Variants in CXCL8 observed in about 807,000 individuals in gnomAD.
CXCL8 encodes C-X-C motif chemokine ligand 8.
CXCL8 carries 12 observed loss-of-function variants against 10.9 expected under a neutral mutation model. That is an observed-to-expected ratio of 1.10 (90% confidence interval 0.71 to 1.79). CXCL8 has a LOEUF of 1.79. Ranked by LOEUF, CXCL8 falls within the 40% of genes most tolerant of loss-of-function variation. The pLI is 0.00. For synonymous variants in CXCL8, 41 were observed against 39.6 expected, an observed-to-expected ratio of 1.03 and a Z score of -0.13; for missense variants, 145 against 113.4, an observed-to-expected ratio of 1.28 and a Z score of -1.26.
In CXCL8 at chr4:73,743,176, G is replaced by T. The variant is rs1721017577; in HGVS notation, c.*712G>T. 1 of 223,760 alleles carries T rather than the reference G, an allele frequency of 4.5e-6. No individual in the cohort carries two copies. The highest frequency in any genetic ancestry group is 2.2e-5 in the African/African-American group (1 of 44,860). The allele number at this position is 223,760 out of a possible 1,614,324, so 13.9% of individuals were successfully genotyped here. On this transcript the variant is annotated 3_prime_UTR_variant, in exon 4 of 4. Transcript: ENST00000307407. ...TGTGCAAGAATTTGGAAAAATAGAA[G>T]ATGAATCATTGATTGAATAGTTATA... is the stretch of plus-strand genomic sequence containing the variant.
intron 3 of CXCL8, 94 bp downstream of exon 3, chr4:73,742,126 G>A (rs540883353): frequency 5.6e-5 from 40 of 708,182 alleles, no homozygotes; most frequent in Middle Eastern, 8.0e-4. Context: ...GCTAAAAATC[G>A]TCATTAGGTA....
intron 1 of CXCL8, among the ~76,000 whole-genome samples, 194 bp from the exon 2 acceptor site, chr4:73,741,348 T>C (rs572236601): frequency 6.6e-6 from 1 of 152,192 alleles, no homozygotes; most frequent in South Asian, 2.1e-4. Flanking sequence ...CGTTCAATGT[T>C]GTCAGTTATG....
At chr4:73,741,700 G>C in intron 2 of CXCL8, 23 bp downstream of exon 2, 2 of 1,601,242 alleles carry the variant, frequency 1.2e-6, no homozygotes, top group South Asian at 1.1e-5. Context: ...AAAAAGATTA[G>C]ATATTTTGTT....
rs1253940004 is a variant in CXCL8 at position 73,742,587 on chromosome 4, AT to A, written c.*125del. 30 of 482,240 alleles carry A rather than the reference AT, an allele frequency of 6.2e-5. No homozygotes were observed. In the East Asian group the frequency reaches 1.0e-3, roughly 16 times the overall value. The allele number at this position is 482,240 out of a possible 1,614,324, so 29.9% of individuals were successfully genotyped here. On this transcript the variant is annotated 3_prime_UTR_variant, in exon 4 of 4. Coordinates refer to ENST00000307407, the MANE Select transcript of CXCL8 (RefSeq NM_000584.4). ...GTAGGGTTGCCAGATGCAATACAAG[AT>A]TCCTGGTTAAATTTGAATTTCAGTA...
chr4:73,741,766 G>C, intron 2 of CXCL8, 89 bp downstream of exon 2: 1 of 1,254,836 alleles, frequency 8.0e-7, no homozygotes, highest in South Asian at 1.3e-5. Context: ...CCAGGTGTTA[G>C]GATTACAGTA....
chr4:73,740,655 A>C lies in CXCL8; in HGVS notation c.-4A>C. 6.2e-7 allele frequency: 1 copy of C among 1,613,548 alleles called. No individual in the cohort carries two copies. The highest frequency in any genetic ancestry group is 8.5e-7 in the Non-Finnish European group (1 of 1,179,590). On this transcript the variant is annotated 5_prime_UTR_variant, in exon 1 of 4. Coordinates refer to ENST00000307407, the MANE Select transcript of CXCL8 (RefSeq NM_000584.4). Reference sequence around the variant, plus strand: ...CGGAAGGAACCATCTCACTGTGTGTAAACATGACTTCCAAGCTGGCCGTGG... The same window carrying C: ...CGGAAGGAACCATCTCACTGTGTGTCAACATGACTTCCAAGCTGGCCGTGG...
chr4:73,742,392 C>T, intron 3 of CXCL8, 57 bp from the exon 4 acceptor site: 2 of 845,158 alleles, frequency 2.4e-6, no homozygotes, highest in Admixed American at 2.5e-5. Flanking sequence ...TTTTCAAGAA[C>T]CCTACTTTCC....
chr4:73,741,652 C>A lies in CXCL8; in HGVS notation c.175C>A (p.Pro59Thr). 1.9e-6 allele frequency: 3 copies of A among 1,613,252 alleles called. No homozygotes were observed. The highest frequency in any genetic ancestry group is 2.5e-6 in the Non-Finnish European group (3 of 1,179,480). Reference sequence around the variant, plus strand: ...AGAACTGAGAGTGATTGAGAGTGGACCACACTGCGCCAACACAGAAATTAT... The same window carrying A: ...AGAACTGAGAGTGATTGAGAGTGGAACACACTGCGCCAACACAGAAATTAT... ...IKELRVIESGPHCANTEIIVK... is the reference protein window; with the variant it reads ...IKELRVIESGTHCANTEIIVK... Residue 59 changes from proline (P) to threonine (T), a missense_variant, in exon 2 of 4, where the codon CCA (proline) becomes ACA (threonine). Pro to Thr is a conservative substitution (Grantham distance 38, BLOSUM62 -1). Coordinates refer to ENST00000307407, the MANE Select transcript of CXCL8 (RefSeq NM_000584.4).
At chr4:73,740,755 C>T (rs909040696) in intron 1 of CXCL8, 33 bp downstream of exon 1, 2 of 1,589,276 alleles carry the variant, frequency 1.3e-6, no homozygotes, top group East Asian at 4.5e-5. Flanking sequence ...CAGCGTTTTC[C>T]TATGTCTAAA....
intron 1 of CXCL8, among the ~76,000 whole-genome samples, 197 bp from the exon 2 acceptor site, chr4:73,741,345 T>C (rs184127192): frequency 2.6e-5 from 4 of 152,306 alleles, no homozygotes; most frequent in East Asian, 1.9e-4. Context: ...AGTCGTTCAA[T>C]GTTGTCAGTT....
Position 73,740,746 on chromosome 4 carries a change from A to G in CXCL8, c.64+24A>G, listed in dbSNP as rs1578113305. On this transcript the variant is annotated intron_variant, in intron 1 of 3. Coordinates refer to ENST00000307407, the MANE Select transcript of CXCL8 (RefSeq NM_000584.4). The stretch of plus-strand genomic sequence containing the variant: ...AGGTAAGCACATCTTTCTGACCTAC[A>G]GCGTTTTCCTATGTCTAAATGTGAT... 2.5e-6 allele frequency: 4 copies of G among 1,606,610 alleles called. No individual in the cohort carries two copies. The East Asian group carries it at 9.0e-5, about 36-fold the overall frequency.
rs1052969328 is a variant in CXCL8, at chr4:73,743,465, A to G, written c.*1001A>G. 1 of 203,654 alleles carries G rather than the reference A, an allele frequency of 4.9e-6. No homozygotes were observed. The highest frequency in any genetic ancestry group is 1.0e-5 in the Non-Finnish European group (1 of 99,588). 12.6% of individuals were successfully genotyped at this position (203,654 alleles called of 1,614,324 possible). On this transcript the variant is annotated 3_prime_UTR_variant, in exon 4 of 4. Transcript: ENST00000307407. ...TGCTGTGTTGAATTACGGAATAATG[A>G]GTTAGAACTATTAAAACAGCCAAAA...
At chr4:73,742,193 C>T (rs2227543) in intron 3 of CXCL8, 161 bp downstream of exon 3, 219,209 of 590,280 alleles carry the variant, frequency 0.37, 43,050 homozygotes, top group Non-Finnish European at 0.42. Flanking sequence ...TTGTTGTACT[C>T]ATGACCAGAA....
At chr4:73,741,318 T>C (rs1729165490) in intron 1 of CXCL8, among the ~76,000 whole-genome samples, 1 of 152,210 alleles carries the variant, frequency 6.6e-6, no homozygotes, top group South Asian at 2.1e-4. Context: ...AAAAGAACTC[T>C]AACTCTTTAT....
intron 1 of CXCL8, among the ~76,000 whole-genome samples, chr4:73,740,993 ATG>A (rs1461461228): frequency 6.6e-6 from 1 of 152,170 alleles, no homozygotes; most frequent in Non-Finnish European, 1.5e-5. Context: ...AATTTATAGT[ATG>A]TCCTATTGAG....
chr4:73,741,753 G>A, intron 2 of CXCL8, 76 bp downstream of exon 2: 1 of 1,369,394 alleles, frequency 7.3e-7, no homozygotes, highest in Non-Finnish European at 1.0e-6. Flanking sequence ...ATTTAGGAAA[G>A]TTCCAGGTGT....
At chr4:73,741,737 G>A in intron 2 of CXCL8, 60 bp downstream of exon 2, 1 of 1,492,180 alleles carries the variant, frequency 6.7e-7, no homozygotes, top group Non-Finnish European at 9.2e-7. Context: ...TAAGGAAGGT[G>A]GAAATATTTA....
rs1339470303 is a variant in CXCL8 at position 73,741,488 on chromosome 4, G to T, written c.65-54G>T. The T allele has an allele frequency of 1.9e-6, 3 of 1,566,530 alleles. No homozygotes were observed. The African/African-American group carries it at 4.1e-5, about 21-fold the overall frequency. On this transcript the variant is annotated intron_variant, in intron 1 of 3. Transcript: ENST00000307407. ...ATTGGAATTAGAAAGGAAGTAGCTG[G>T]CAGAGCTGTGCCTGTTGATAAAATC... is the stretch of plus-strand genomic sequence containing the variant.
intron 3 of CXCL8, 30 bp downstream of exon 3, chr4:73,742,062 T>C: frequency 7.5e-7 from 1 of 1,333,614 alleles, no homozygotes; most frequent in Admixed American, 2.1e-5. Context: ...ATTTAAATTT[T>C]TCATTTATCC....
Sources: allele counts gnomAD v4.1 joint callset (sites outside exome capture counted in the v4.1 genomes callset), GRCh38; gene constraint gnomAD v4.1.1; transcripts MANE v1.5; gene names NCBI Gene and HGNC (gene_info 2026-07-23, HGNC 2026-07-21).